Variants in TRIO observed in about 807,000 individuals in gnomAD.
TRIO encodes trio Rho guanine nucleotide exchange factor, also known as triple functional domain protein.
A neutral mutation model predicts 351.9 loss-of-function variants in TRIO; 58 were observed. That is an observed-to-expected ratio of 0.16 (90% CI 0.13 to 0.21). The LOEUF (loss-of-function observed/expected upper bound fraction) is 0.21. TRIO is among the 10% of genes least tolerant of loss of function. TRIO has a pLI of 1.00. For synonymous variants in TRIO, 1,758 were observed against 1,595.7 expected (o/e 1.10, Z -2.42); for missense variants, 3,201 against 4,027.8 (o/e 0.79, Z 5.56).
chr5:14,349,133 T>C (rs1344061361), intron 11 of TRIO, among the ~76,000 whole-genome samples: 2 of 151,658 alleles, frequency 1.3e-5, no homozygotes, highest in Non-Finnish European at 2.9e-5. Flanking sequence ...CATGAGCATG[T>C]TTTTCCTGCG....
chr5:14,369,407 T>C lies in TRIO; in HGVS notation c.3100T>C (p.Tyr1034His). Residue 1034 changes from tyrosine (Y) to histidine (H), a missense_variant, in exon 18 of 57, where the codon TAC becomes CAC. Tyr to His is a moderately conservative substitution (Grantham distance 83). Around this residue, in one of 19 missense-constraint regions of TRIO, gnomAD observed 363 missense variants for 553.5 expected, o/e 0.66. Coordinates refer to ENST00000344204, the MANE Select transcript of TRIO (RefSeq NM_007118.4). ...CGTCCTCGAGAGCCTGGAACAGGAG[T>C]ACAAGAGAGAAGAAGACTGGTGTGG... ...CSVLESLEQEYKREEDWCGGA... is the reference protein window; with the variant it reads ...CSVLESLEQEHKREEDWCGGA... 1.2e-6 allele frequency: 2 copies of C among 1,613,670 alleles called. No individual in the cohort carries two copies. Among genetic ancestry groups the C allele is most frequent in the Non-Finnish European group, 1.7e-6 (2 of 1,179,892 alleles).
intron 37 of TRIO, among the ~76,000 whole-genome samples, chr5:14,469,910 CTG>C (rs1252441309): frequency 6.6e-6 from 1 of 152,210 alleles, no homozygotes; most frequent in Non-Finnish European, 1.5e-5. Context: ...TTTTTTCTCA[CTG>C]TTCAAATGAA....
intron 37 of TRIO, 80 bp from the exon 38 acceptor site, chr5:14,471,238 T>G: frequency 7.0e-7 from 1 of 1,419,938 alleles, no homozygotes; most frequent in South Asian, 1.7e-5. Flanking sequence ...TTTTCTGACT[T>G]TGGGTATTTT....
chr5:14,202,330 T>G (rs990811609), intron 1 of TRIO, among the ~76,000 whole-genome samples: 3 of 80,146 alleles, frequency 3.7e-5, no homozygotes, highest in Non-Finnish European at 5.3e-5. Flanking sequence ...TTTTTTTTTT[T>G]GCTCATCAGC....
At chr5:14,260,061 C>T (rs1431714989) in intron 1 of TRIO, among the ~76,000 whole-genome samples, 1 of 152,188 alleles carries the variant, frequency 6.6e-6, no homozygotes, top group Admixed American at 6.5e-5. Flanking sequence ...AATATTAGAA[C>T]ATCACAGTAT....
At chr5:14,473,401 T>G (rs1754823833) in intron 39 of TRIO, among the ~76,000 whole-genome samples, 1 of 152,236 alleles carries the variant, frequency 6.6e-6, no homozygotes, top group Non-Finnish European at 1.5e-5. Context: ...GTCAATTGCA[T>G]AACACAAAAG....
Position 14,363,726 on chromosome 5 carries a change from T to C in TRIO, c.2392-6T>C, listed in dbSNP as rs750607991. 6.2e-7 allele frequency: 1 copy of C among 1,611,092 alleles called. No individual in the cohort carries two copies. The highest frequency in any genetic ancestry group is 8.5e-7 in the Non-Finnish European group (1 of 1,177,754). Reference sequence around the variant, plus strand: ...TTTTGTCTTGATCTTAAATACCTTCTTTCAGATTATCTCAGACCTCGAGTC... The same window carrying C: ...TTTTGTCTTGATCTTAAATACCTTCCTTCAGATTATCTCAGACCTCGAGTC... On this transcript the variant is annotated splice_region_variant and splice_polypyrimidine_tract_variant and intron_variant, in intron 13 of 56. Coordinates refer to ENST00000344204, the MANE Select transcript of TRIO (RefSeq NM_007118.4).
intron 3 of TRIO, among the ~76,000 whole-genome samples, chr5:14,283,059 G>A (rs1332651396): frequency 2.6e-5 from 4 of 152,126 alleles, no homozygotes; most frequent in Non-Finnish European, 5.9e-5. Context: ...CAGGAGCGCT[G>A]TTTGGTTTTA....
In TRIO at chr5:14,476,903, A is replaced by T. The variant is rs779577841; in HGVS notation, c.6093A>T (p.Leu2031Phe). 6.2e-7 allele frequency: 1 copy of T among 1,613,044 alleles called. No homozygotes were observed. The highest frequency in any genetic ancestry group is 8.5e-7 in the Non-Finnish European group (1 of 1,179,554). ...TCTCCTTTCTTTCCAGCTTTTTTTT[A>T]GGAGAGTTAGAGAAGTGCCTTGAAG... ...QIYDWHRDFFLGELEKCLEDP... is the reference protein window; with the variant it reads ...QIYDWHRDFFFGELEKCLEDP... The change falls in exon 41 of 57, where the codon TTA becomes TTT. Residue 2031 changes from leucine (L) to phenylalanine (F), a missense_variant. Coordinates refer to ENST00000344204, the MANE Select transcript of TRIO (RefSeq NM_007118.4).
intron 53 of TRIO, among the ~76,000 whole-genome samples, chr5:14,500,000 G>A (rs894246656): frequency 1.0e-4 from 15 of 145,028 alleles, no homozygotes; most frequent in African/African-American, 3.3e-4. Flanking sequence ...GCAGTGAGCC[G>A]AGATCATGCC....
At chr5:14,222,855 G>C (rs1485265581) in intron 1 of TRIO, among the ~76,000 whole-genome samples, 1 of 152,218 alleles carries the variant, frequency 6.6e-6, no homozygotes. Context: ...GCGCGGGCTT[G>C]GTAGGGCAGC....
rs371406748 is a variant in TRIO at position 14,369,550 on chromosome 5, A to G, written c.3216+27A>G. ...TAGGGGCAGCGCTGCGGGACAGTGC[A>G]CCCATCAGAGGCTTCCTGCCTGCCA... is the stretch of plus-strand genomic sequence containing the variant. On this transcript the variant is annotated intron_variant, in intron 18 of 56. Transcript: ENST00000344204. 6.9e-6 allele frequency: 11 copies of G among 1,598,886 alleles called. No individual in the cohort carries two copies. The African/African-American group carries it at 1.5e-4, about 21-fold the overall frequency.
intron 9 of TRIO, among the ~76,000 whole-genome samples, chr5:14,329,800 TGTA>T (rs1426977208): frequency 1.3e-5 from 2 of 152,216 alleles, no homozygotes; most frequent in East Asian, 3.8e-4. Flanking sequence ...GGGCATTTGA[TGTA>T]GTGTAAATGC....
At chr5:14,174,384 C>CA (rs1470533902) in intron 1 of TRIO, among the ~76,000 whole-genome samples, 3 of 152,198 alleles carry the variant, frequency 2.0e-5, no homozygotes, top group African/African-American at 7.2e-5. Flanking sequence ...CAAGCCCCAG[C>CA]AAAGCTGCTC....
chr5:14,496,985 C>G lies in TRIO; in HGVS notation c.7987C>G (p.Arg2663Gly), dbSNP rs1367240779. The G allele has an allele frequency of 1.9e-6, 3 of 1,614,152 alleles. No individual in the cohort carries two copies. The highest frequency in any genetic ancestry group is 2.5e-6 in the Non-Finnish European group (3 of 1,180,016). The stretch of plus-strand genomic sequence containing the variant: ...GTTAGAGAACGGTTATCGGAAGTCA[C>G]GGGAAGGACTCAGCAACAAGGTATC... ...GKLENGYRKS[R>G]EGLSNKVSVK... Residue 2663 changes from arginine (R) to glycine (G), a missense_variant, in exon 50 of 57, where the codon CGG becomes GGG. Around this residue, in one of 19 missense-constraint regions of TRIO, gnomAD observed 1,089 missense variants for 954.9 expected, o/e 1.14. Transcript: ENST00000344204.
intron 21 of TRIO, among the ~76,000 whole-genome samples, chr5:14,382,389 C>G (rs1232196902): frequency 2.0e-5 from 3 of 152,232 alleles, no homozygotes; most frequent in Non-Finnish European, 4.4e-5. Flanking sequence ...CCAAAGCTCT[C>G]CTTTCCCTCG....
At chr5:14,369,658 G>A (rs1744911285) in intron 18 of TRIO, 135 bp downstream of exon 18, 6 of 1,124,272 alleles carry the variant, frequency 5.3e-6, no homozygotes, top group Middle Eastern at 3.1e-4. Flanking sequence ...GGGCAGTGTC[G>A]CATCAGTGAG....
At chr5:14,346,474 C>G (rs207465624) in intron 11 of TRIO, among the ~76,000 whole-genome samples, 1 of 152,204 alleles carries the variant, frequency 6.6e-6, no homozygotes, top group African/African-American at 2.4e-5. Flanking sequence ...TTGAGCATAT[C>G]AGTCCAAGCA....
At chr5:14,421,353 C>T (rs1298451968) in intron 34 of TRIO, among the ~76,000 whole-genome samples, 2 of 150,862 alleles carry the variant, frequency 1.3e-5, no homozygotes, top group East Asian at 3.9e-4. Context: ...CCTCTAATCC[C>T]AGCACTTTGG....
Sources: gnomAD v4.1 joint callset for allele counts (sites outside exome capture counted in the v4.1 genomes callset) on GRCh38, gnomAD v4.1.1 for gene constraint, gnomAD v4.1.1 regional missense constraint, MANE v1.5 for transcripts, NCBI Gene and HGNC (gene_info 2026-07-23, HGNC 2026-07-21) for gene names.